The following TCEANC2 variants were observed in gnomAD, a reference collection of about 807,000 sequenced individuals.
TCEANC2 encodes the protein transcription elongation factor A N-terminal and central domain containing 2, also known as transcription elongation factor A N-terminal and central domain-containing protein 2.
Under a neutral mutation model 22.8 loss-of-function variants are expected in TCEANC2, and 20 were observed. The ratio of observed to expected loss-of-function variants is 0.88; its 90% CI spans 0.62 to 1.28. The LOEUF is 1.28. Ranked by LOEUF, TCEANC2 falls within the 50% of genes most tolerant of loss-of-function variation. The pLI is 0.00. For missense variants in TCEANC2, 251 were observed against 249.7 expected (o/e 1.01, Z -0.03); for synonymous variants, 84 against 95.5 (o/e 0.88, Z 0.70).
chr1:54,064,773 C>T (rs1333967111), intron 2 of TCEANC2, among the ~76,000 whole-genome samples: 1 of 145,304 alleles, frequency 6.9e-6, no homozygotes, highest in Non-Finnish European at 1.5e-5. Context: ...GATCTCGGCT[C>T]ACTGCACCCT....
chr1:54,054,110 G>T, intron 1 of TCEANC2: 2 of 530,216 alleles, frequency 3.8e-6, no homozygotes, highest in Non-Finnish European at 6.0e-6. Flanking sequence ...TTCCAATATT[G>T]GGCCAATTCC....
intron 3 of TCEANC2, among the ~76,000 whole-genome samples, chr1:54,073,857 A>G (rs1658100391): frequency 6.6e-6 from 1 of 152,224 alleles, no homozygotes; most frequent in Non-Finnish European, 1.5e-5. Context: ...GTTGGAATCA[A>G]GAGACATACA....
chr1:54,061,090 C>T (rs1367573286), intron 2 of TCEANC2, among the ~76,000 whole-genome samples: 3 of 152,200 alleles, frequency 2.0e-5, no homozygotes, highest in Non-Finnish European at 4.4e-5. Flanking sequence ...GACATATAAC[C>T]ATTCAATGAG....
chr1:54,082,345 T>C (rs1410130733), intron 3 of TCEANC2, among the ~76,000 whole-genome samples: 1 of 152,248 alleles, frequency 6.6e-6, no homozygotes, highest in Non-Finnish European at 1.5e-5. Context: ...TGCAGTTGTG[T>C]GATTTTCCTA....
At chr1:54,066,116 G>C (rs1319915869) in intron 2 of TCEANC2, among the ~76,000 whole-genome samples, 1 of 152,080 alleles carries the variant, frequency 6.6e-6, no homozygotes, top group Admixed American at 6.5e-5. Context: ...GCCAGGCGTG[G>C]TGGCATGCGC....
rs76120332 is a variant in TCEANC2 at position 54,104,885 on chromosome 1, G to C, written c.*8412G>C. The C allele has an allele frequency of 9.9e-6, 3 of 302,040 alleles. No individual in the cohort carries two copies. Among genetic ancestry groups the C allele is most frequent in the South Asian group, 8.9e-5 (3 of 33,778 alleles). The allele number at this position is 302,040 out of a possible 1,614,324, so 18.7% of individuals were successfully genotyped here. A position where few individuals can be genotyped will look rare whatever the true frequency, so the allele number is the denominator to read the frequency against. ...AAATAATTATACAAGTGCCCAGACCGTGACCTGAGCAGGATATGCTGACTT... is the reference window on the plus strand; with the variant it reads ...AAATAATTATACAAGTGCCCAGACCCTGACCTGAGCAGGATATGCTGACTT... On this transcript the variant is annotated 3_prime_UTR_variant, in exon 5 of 5. Transcript: ENST00000234827.
At chr1:54,094,078 A>T (rs1200413942) in intron 4 of TCEANC2, among the ~76,000 whole-genome samples, 1 of 152,210 alleles carries the variant, frequency 6.6e-6, no homozygotes, top group Non-Finnish European at 1.5e-5. Context: ...CCACAGCGCC[A>T]AGTCCACTCA....
At chr1:54,108,672 T>C (rs1658794605), downstream of TCEANC2, among the ~76,000 whole-genome samples, 1 of 152,108 alleles carries the variant, frequency 6.6e-6, no homozygotes. Flanking sequence ...CACACAACCA[T>C]GAATGAAAAT....
chr1:54,061,866 G>A (rs1657863232), intron 2 of TCEANC2, among the ~76,000 whole-genome samples: 1 of 152,130 alleles, frequency 6.6e-6, no homozygotes. Flanking sequence ...TTTTGCCATA[G>A]GTGTATCACA....
At chr1:54,081,625 T>A (rs1658246590) in intron 3 of TCEANC2, among the ~76,000 whole-genome samples, 1 of 152,124 alleles carries the variant, frequency 6.6e-6, no homozygotes, top group Non-Finnish European at 1.5e-5. Flanking sequence ...TAGTAGAGGG[T>A]TTCCCAGACT....
chr1:54,085,209 A>G lies in TCEANC2; in HGVS notation c.245-3388A>G, dbSNP rs34371483. On this transcript the variant is annotated intron_variant, in intron 3 of 4. Transcript: ENST00000234827. ...ATTTTTCAACTCCAGGATTCTCTTC[A>G]TAGAACCTGTAAAGCAGGGACAATT... is the stretch of plus-strand genomic sequence containing the variant. Among the ~76,000 whole-genome samples the G allele has an allele frequency of 7.6e-3, 1,160 of 152,314 alleles. 18 individuals carry two copies. The highest frequency in any genetic ancestry group is 0.027 in the African/African-American group (1,107 of 41,562).
chr1:54,076,453 A>G (rs968369873), intron 3 of TCEANC2, among the ~76,000 whole-genome samples: 1 of 152,156 alleles, frequency 6.6e-6, no homozygotes, highest in Non-Finnish European at 1.5e-5. Context: ...TTTTATGCCT[A>G]CATAGTATTC....
intron 3 of TCEANC2, among the ~76,000 whole-genome samples, chr1:54,084,611 C>G (rs1658303500): frequency 6.6e-6 from 1 of 151,968 alleles, no homozygotes; most frequent in African/African-American, 2.4e-5. Flanking sequence ...CCTGTAATCC[C>G]AGTACTTTGG....
intron 3 of TCEANC2, among the ~76,000 whole-genome samples, chr1:54,077,445 C>G (rs1287042795): frequency 6.6e-6 from 1 of 152,136 alleles, no homozygotes; most frequent in Non-Finnish European, 1.5e-5. Flanking sequence ...TAATTTCATA[C>G]TATCCAAATC....
intron 3 of TCEANC2, among the ~76,000 whole-genome samples, chr1:54,069,242 T>G (rs1040928086): frequency 1.3e-5 from 2 of 152,184 alleles, no homozygotes; most frequent in African/African-American, 4.8e-5. Context: ...CAATAACACA[T>G]GGATAACATT....
intron 2 of TCEANC2, among the ~76,000 whole-genome samples, chr1:54,056,599 A>G (rs1165855086): frequency 3.3e-5 from 5 of 152,080 alleles, no homozygotes; most frequent in Non-Finnish European, 5.9e-5. Flanking sequence ...TGCTGGGATT[A>G]CAGGCGTGAG....
rs1371296927 is a variant in TCEANC2 at position 54,103,082 on chromosome 1, T to G, written c.*6609T>G. 1 of 152,222 alleles carries G rather than the reference T, an allele frequency of 6.6e-6. No individual in the cohort carries two copies. Among genetic ancestry groups the G allele is most frequent in the Admixed American group, 6.5e-5 (1 of 15,278 alleles). 9.4% of individuals were successfully genotyped at this position (152,222 alleles called of 1,614,324 possible). ...TAGGAGTGGGCACCAAGTGTGAAGATCATTGTATTCCATGTAAACACCCAC... is the reference window on the plus strand; with the variant it reads ...TAGGAGTGGGCACCAAGTGTGAAGAGCATTGTATTCCATGTAAACACCCAC... On this transcript the variant is annotated 3_prime_UTR_variant, in exon 5 of 5. Coordinates refer to ENST00000234827, the MANE Select transcript of TCEANC2 (RefSeq NM_153035.3).
In TCEANC2 at chr1:54,099,465, C is replaced by T. The variant is rs1050937928; in HGVS notation, c.*2992C>T. 1 of 152,170 alleles carries T rather than the reference C, an allele frequency of 6.6e-6. No individual in the cohort carries two copies. The highest frequency in any genetic ancestry group is 6.6e-5 in the Admixed American group (1 of 15,262). The allele number at this position is 152,170 out of a possible 1,614,324, so 9.4% of individuals were successfully genotyped here. On this transcript the variant is annotated 3_prime_UTR_variant, in exon 5 of 5. Transcript: ENST00000234827. ...CTGTTAAAAATGAAAAGGTTGAGGC[C>T]GGGTGCATTGGTTCATGCCTATAAT...
At chr1:54,083,811 A>G (rs1426773350) in intron 3 of TCEANC2, among the ~76,000 whole-genome samples, 1 of 152,186 alleles carries the variant, frequency 6.6e-6, no homozygotes, top group East Asian at 1.9e-4. Context: ...AGAGACCACC[A>G]TTAATAATTT....
Sources: gnomAD v4.1 joint callset for allele counts (sites outside exome capture counted in the v4.1 genomes callset) on GRCh38, gnomAD v4.1.1 for gene constraint, MANE v1.5 for transcripts, NCBI Gene and HGNC (gene_info 2026-07-23, HGNC 2026-07-21) for gene names.